CTNNA2: variants seen among roughly 807,000 people sequenced by gnomAD.
CTNNA2 encodes the protein catenin alpha 2, also known as catenin alpha-2.
A neutral mutation model predicts 101.0 loss-of-function variants in CTNNA2; 42 were observed. That is an observed-to-expected ratio of 0.42 (90% CI 0.32 to 0.54). The LOEUF (loss-of-function observed/expected upper bound fraction) is 0.54, where lower values mean the gene tolerates loss of function less well. CTNNA2 is among the 20% of genes least tolerant of loss of function. The probability of loss-of-function intolerance (pLI) is 0.14; values close to 1 mark genes in which losing one functional copy is unlikely to be tolerated. For missense variants in CTNNA2, 871 were observed against 1,223.1 expected (o/e 0.71, Z 4.29); for synonymous variants, 450 against 456.4 (o/e 0.99, Z 0.18).
In CTNNA2 at chr2:79,865,307, A is replaced by C. The variant is rs559985352; in HGVS notation, c.466-4509A>C. Among the ~76,000 whole-genome samples the C allele has an allele frequency of 3.3e-5, 5 of 152,324 alleles. No individual in the cohort carries two copies. In the South Asian group the frequency reaches 1.0e-3, roughly 32 times the overall value. On this transcript the variant is annotated intron_variant, in intron 4 of 18. Transcript: ENST00000402739. ...CCAGAGTATCTGATTAAATAAGTAC[A>C]ATAGTTAGATGGCGGGTCTTACATG...
At chr2:79,787,532 C>T (rs1205928604) in intron 3 of CTNNA2, among the ~76,000 whole-genome samples, 1 of 152,142 alleles carries the variant, frequency 6.6e-6, no homozygotes, top group Non-Finnish European at 1.5e-5. Flanking sequence ...CATATTACTA[C>T]CCGCTTATTG....
chr2:80,274,353 G>A (rs932343605), intron 7 of CTNNA2, among the ~76,000 whole-genome samples: 1 of 152,174 alleles, frequency 6.6e-6, no homozygotes, highest in Non-Finnish European at 1.5e-5. Flanking sequence ...ACTCCGTATA[G>A]CAATAGTCTT....
At chr2:79,248,756 A>T (rs17016640) in intron 2 of CTNNA2, among the ~76,000 whole-genome samples, 5,397 of 152,238 alleles carry the variant, frequency 0.035, 265 homozygotes, top group African/African-American at 0.11. Flanking sequence ...ATAGCACTGG[A>T]TTGACTCATG....
chr2:80,315,286 C>T (rs1329910272), intron 7 of CTNNA2, among the ~76,000 whole-genome samples: 1 of 152,122 alleles, frequency 6.6e-6, no homozygotes, highest in East Asian at 1.9e-4. Context: ...ACAAACACTC[C>T]AAAACATGGT....
intron 4 of CTNNA2, among the ~76,000 whole-genome samples, chr2:79,439,039 C>G (rs1056963982): frequency 8.5e-5 from 13 of 152,104 alleles, no homozygotes; most frequent in African/African-American, 3.1e-4. Flanking sequence ...AACACAGAAG[C>G]ATCATAGGAC....
intron 3 of CTNNA2, among the ~76,000 whole-genome samples, chr2:79,856,997 T>C (rs1226213834): frequency 6.6e-6 from 1 of 152,224 alleles, no homozygotes; most frequent in Non-Finnish European, 1.5e-5. Flanking sequence ...CCCACCCTGC[T>C]GAGGGTAAAA....
chr2:80,132,351 A>T (rs1302681445), intron 7 of CTNNA2, among the ~76,000 whole-genome samples: 1 of 152,118 alleles, frequency 6.6e-6, no homozygotes, highest in Non-Finnish European at 1.5e-5. Flanking sequence ...ACTGGTCTCC[A>T]TCTGTTTCAA....
chr2:79,728,125 T>C (rs1686973055), intron 2 of CTNNA2, among the ~76,000 whole-genome samples: 2 of 152,196 alleles, frequency 1.3e-5, no homozygotes, highest in Non-Finnish European at 2.9e-5. Flanking sequence ...ATGGTATTTC[T>C]AGTTCTAGAT....
intron 7 of CTNNA2, among the ~76,000 whole-genome samples, chr2:80,103,722 A>ATGTTT (rs1035417331): frequency 2.0e-5 from 3 of 151,962 alleles, no homozygotes; most frequent in African/African-American, 4.8e-5. Context: ...AGCTTAAATA[A>ATGTTT]TGTTTTGTTT....
intron 2 of CTNNA2, among the ~76,000 whole-genome samples, chr2:79,701,829 C>G (rs1480700145): frequency 6.6e-6 from 1 of 151,946 alleles, no homozygotes; most frequent in African/African-American, 2.4e-5. Context: ...TGGTGAAACC[C>G]TGTCTCTACT....
At chr2:80,108,667 G>A (rs7574566) in intron 7 of CTNNA2, among the ~76,000 whole-genome samples, 8,422 of 152,246 alleles carry the variant, frequency 0.055, 781 homozygotes, top group African/African-American at 0.19. Context: ...CACAATCAAT[G>A]TTGTCTCCCA....
chr2:79,570,920 A>G (rs1178240343), intron 1 of CTNNA2, among the ~76,000 whole-genome samples: 1 of 152,180 alleles, frequency 6.6e-6, no homozygotes, highest in Non-Finnish European at 1.5e-5. Flanking sequence ...CAAAGTATGT[A>G]TATTGTTTAC....
At chr2:79,605,126 T>G (rs564790846) in intron 1 of CTNNA2, among the ~76,000 whole-genome samples, 4 of 152,336 alleles carry the variant, frequency 2.6e-5, no homozygotes, top group African/African-American at 9.6e-5. Context: ...TCTAGATGTT[T>G]TAATAAGTCA....
At chr2:80,023,427 G>A (rs1694711103) in intron 7 of CTNNA2, among the ~76,000 whole-genome samples, 1 of 151,992 alleles carries the variant, frequency 6.6e-6, no homozygotes, top group Non-Finnish European at 1.5e-5. Context: ...ACTGACCAAG[G>A]GGCCAGTGAT....
chr2:79,425,510 G>A (rs978244523), intron 4 of CTNNA2, among the ~76,000 whole-genome samples: 5 of 152,124 alleles, frequency 3.3e-5, no homozygotes, highest in Non-Finnish European at 7.4e-5. Context: ...CTAGAGGGTG[G>A]AAATGCTATG....
At chr2:80,037,072 T>C (rs1326508843) in intron 7 of CTNNA2, among the ~76,000 whole-genome samples, 1 of 152,172 alleles carries the variant, frequency 6.6e-6, no homozygotes, top group Non-Finnish European at 1.5e-5. Context: ...ATGTTACTGT[T>C]GAGTCAAAGA....
intron 2 of CTNNA2, among the ~76,000 whole-genome samples, chr2:79,701,007 G>T (rs1163075922): frequency 1.3e-5 from 2 of 152,064 alleles, no homozygotes; most frequent in Non-Finnish European, 1.5e-5. Context: ...GTTGTTTGTG[G>T]AGTTAGTCAA....
intron 7 of CTNNA2, among the ~76,000 whole-genome samples, chr2:80,140,808 G>A (rs73940963): frequency 0.03 from 4,620 of 152,090 alleles, 226 homozygotes; most frequent in African/African-American, 0.1. Flanking sequence ...CCCAGCAAAA[G>A]CAGAGAAACC....
At chr2:80,173,944 C>T (rs1015090930) in intron 7 of CTNNA2, among the ~76,000 whole-genome samples, 4 of 152,168 alleles carry the variant, frequency 2.6e-5, no homozygotes, top group South Asian at 2.1e-4. Context: ...CGCTCCAACA[C>T]CCTCTACTGA....
Sources: allele counts gnomAD v4.1 joint callset (sites outside exome capture counted in the v4.1 genomes callset), GRCh38; gene constraint gnomAD v4.1.1; transcripts MANE v1.5; gene names NCBI Gene and HGNC (gene_info 2026-07-23, HGNC 2026-07-21).